Variants in NEK2 observed in about 807,000 individuals in gnomAD.
The protein encoded by NEK2 is serine/threonine-protein kinase Nek2.
Under a neutral mutation model 54.1 loss-of-function variants are expected in NEK2, and 28 were observed. The observed-to-expected ratio is 0.52, with a 90% CI of 0.38 to 0.71. NEK2 has a LOEUF of 0.71. NEK2 is among the 30% of genes least tolerant of loss of function. NEK2 has a pLI of 0.00. For synonymous variants in NEK2, 176 were observed against 193.1 expected, an observed-to-expected ratio of 0.91 and a Z score of 0.73; for missense variants, 407 against 531.5, an observed-to-expected ratio of 0.77 and a Z score of 2.30.
intron 3 of NEK2, 61 bp downstream of exon 3, chr1:211,673,422 A>T (rs540969338): frequency 6.2e-7 from 1 of 1,600,914 alleles, no homozygotes; most frequent in East Asian, 2.2e-5. Flanking sequence ...TCAAAAACAA[A>T]CAAACAAGAA....
chr1:211,667,206 AC>A lies in NEK2; in HGVS notation c.1010del (p.Arg337LeufsTer4), dbSNP rs1399580497. ...LEQKEQELCVRERLAEDKLAR... is the reference protein window; with the variant it reads ...LEQKEQELCVXERLAEDKLAR... ...CCAGTTTGTCCTCTGCTAGTCTCTCACGAACACAAAGCTCCTGTTCTTTCTC... is the reference window on the plus strand; with the variant it reads ...CCAGTTTGTCCTCTGCTAGTCTCTCAGAACACAAAGCTCCTGTTCTTTCTC... On this transcript the variant is annotated frameshift_variant, in exon 7 of 8. Coordinates refer to ENST00000366999, the MANE Select transcript of NEK2 (RefSeq NM_002497.4). LOFTEE classifies it high-confidence loss of function. 2.5e-6 allele frequency: 4 copies of A among 1,608,266 alleles called. No homozygotes were observed. In the Admixed American group the frequency reaches 6.8e-5, roughly 27 times the overall value.
chr1:211,671,292 G>T lies in NEK2; in HGVS notation c.556-8C>A. On this transcript the variant is annotated splice_polypyrimidine_tract_variant and splice_region_variant and intron_variant, in intron 3 of 7. Transcript: ENST00000366999. ...CATGCGATTCATTTGTTCCTATACA[G>T]GGAAAAAGGGTAAGAAAGTGGAAGG... The T allele has an allele frequency of 1.2e-6, 2 of 1,600,644 alleles. No homozygotes were observed. The highest frequency in any genetic ancestry group is 2.2e-5 in the South Asian group (2 of 90,600).
intron 7 of NEK2, among the ~76,000 whole-genome samples, chr1:211,665,047 T>A (rs1655134628): frequency 6.6e-6 from 1 of 152,358 alleles, no homozygotes; most frequent in Non-Finnish European, 1.5e-5. Flanking sequence ...AAAACATTTT[T>A]AAAATTCTTC....
Position 211,675,554 on chromosome 1 carries a change from C to T in NEK2, c.-75G>A. 3.2e-6 allele frequency: 4 copies of T among 1,248,148 alleles called. No individual in the cohort carries two copies. The highest frequency in any genetic ancestry group is 3.5e-6 in the Non-Finnish European group (3 of 854,434). 77.3% of individuals were successfully genotyped at this position (1,248,148 alleles called of 1,614,324 possible). ...AGTGCGGAGCTCCAGGGACCAGGAA[C>T]TCCAGGGACCTGGATGGAGAAGCCC... is the stretch of plus-strand genomic sequence containing the variant. On this transcript the variant is annotated 5_prime_UTR_variant, in exon 1 of 8. Transcript: ENST00000366999.
chr1:211,674,639 T>C, intron 1 of NEK2, 126 bp from the exon 2 acceptor site: 1 of 705,128 alleles, frequency 1.4e-6, no homozygotes, highest in Non-Finnish European at 2.3e-6. Flanking sequence ...TTATCTAATT[T>C]AGTTCAATGA....
intron 7 of NEK2, 161 bp downstream of exon 7, chr1:211,666,945 C>T: frequency 6.9e-7 from 1 of 1,439,038 alleles, no homozygotes; most frequent in Non-Finnish European, 9.1e-7. Flanking sequence ...ATTGCTATAA[C>T]AGAATTTTGT....
In NEK2 at chr1:211,663,324, T is replaced by C. The variant is rs1433588887; in HGVS notation, c.*102A>G. 6.7e-7 allele frequency: 1 copy of C among 1,499,772 alleles called. No homozygotes were observed. The allele number at this position is 1,499,772 out of a possible 1,614,324, so 92.9% of individuals were successfully genotyped here. ...ATCATGTGTACTATACAGAAAGGCA[T>C]GGCTCATGGAACCAAGTATTCAACA... On this transcript the variant is annotated 3_prime_UTR_variant, in exon 8 of 8. Coordinates refer to ENST00000366999, the MANE Select transcript of NEK2 (RefSeq NM_002497.4).
chr1:211,670,412 G>T lies in NEK2; in HGVS notation c.639-5C>A. On this transcript the variant is annotated splice_polypyrimidine_tract_variant and splice_region_variant and intron_variant, in intron 4 of 7. Coordinates refer to ENST00000366999, the MANE Select transcript of NEK2 (RefSeq NM_002497.4). ...CTAAAAGCTGTAAATGGAGGCCTAG[G>T]GTTAAAAAAGAAGAAGAAGACGACG... 1 of 1,597,022 alleles carries T rather than the reference G, an allele frequency of 6.3e-7. No individual in the cohort carries two copies. The highest frequency in any genetic ancestry group is 8.5e-7 in the Non-Finnish European group (1 of 1,175,018).
chr1:211,658,657 C>T (rs533273372), downstream of NEK2: 177 of 413,578 alleles, frequency 4.3e-4, 2 homozygotes, highest in South Asian at 2.1e-3. Context: ...GAGGCCAAGG[C>T]TACATTGAGC....
At chr1:211,667,698 T>C (rs1371060464) in intron 6 of NEK2, among the ~76,000 whole-genome samples, 2 of 152,190 alleles carry the variant, frequency 1.3e-5, no homozygotes, top group Admixed American at 1.3e-4. Context: ...TAATAACAAA[T>C]GTTACTATTT....
chr1:211,663,674 G>A (rs746724799), intron 7 of NEK2, 22 bp from the exon 8 acceptor site: 4 of 1,607,974 alleles, frequency 2.5e-6, no homozygotes, highest in Middle Eastern at 1.7e-4. Context: ...AAAAGAAAAA[G>A]GGCTCTGAGT....
chr1:211,675,511 A>G lies in NEK2; in HGVS notation c.-32T>C. The G allele has an allele frequency of 6.3e-7, 1 of 1,589,662 alleles. No individual in the cohort carries two copies. The highest frequency in any genetic ancestry group is 8.6e-7 in the Non-Finnish European group (1 of 1,159,902). ...CCAGTCGCCAGAGTCGCGCTGCCTC[A>G]CGCAGGTTGCGCCGCCAAGTGCGGA... On this transcript the variant is annotated 5_prime_UTR_variant, in exon 1 of 8. Transcript: ENST00000366999.
At chr1:211,666,602 C>T in intron 7 of NEK2, 1 of 412,650 alleles carries the variant, frequency 2.4e-6, no homozygotes, top group Non-Finnish European at 3.3e-6. Flanking sequence ...AAATCGAGAC[C>T]ATCCTGGCTA....
chr1:211,675,385 T>C lies in NEK2; in HGVS notation c.95A>G (p.Lys32Arg). 6.2e-7 allele frequency: 1 copy of C among 1,613,526 alleles called. No homozygotes were observed. The highest frequency in any genetic ancestry group is 1.7e-5 in the Admixed American group (1 of 60,014). ...GCGCAGGGTAGGTCCCACGCTCACC[T>C]TGCCATCACTCTTCCTCCGGATCTT... ...CQKIRRKSDG[K>R]ILVWKELDYG... Residue 32 changes from lysine (K) to arginine (R), a missense_variant and splice_region_variant, in exon 1 of 8, where the codon AAG (lysine) becomes AGG (arginine). By Grantham distance (26) the Lys-to-Arg change is conservative. Coordinates refer to ENST00000366999, the MANE Select transcript of NEK2 (RefSeq NM_002497.4).
At chr1:211,674,199 A>G (rs1655498879) in intron 2 of NEK2, 97 bp downstream of exon 2, 2 of 1,003,982 alleles carry the variant, frequency 2.0e-6, no homozygotes, top group East Asian at 5.0e-5. Flanking sequence ...AAACAAATAC[A>G]AATACACTCT....
intron 5 of NEK2, chr1:211,669,574 T>A (rs1302735164): frequency 2.0e-6 from 1 of 488,480 alleles, no homozygotes; most frequent in Non-Finnish European, 3.7e-6. Context: ...TTCACCTTTC[T>A]AAGAAGGTTC....
At chr1:211,664,679 C>T (rs909972427) in intron 7 of NEK2, among the ~76,000 whole-genome samples, 1 of 152,218 alleles carries the variant, frequency 6.6e-6, no homozygotes, top group Non-Finnish European at 1.5e-5. Context: ...CCTGTGACTT[C>T]CCGCTTCATA....
At chr1:211,669,404 T>A in intron 5 of NEK2, 72 bp from the exon 6 acceptor site, 1 of 1,355,496 alleles carries the variant, frequency 7.4e-7, no homozygotes, top group Admixed American at 1.9e-5. Context: ...GCAGTTAAAA[T>A]AAAAGGACAA....
intron 7 of NEK2, among the ~76,000 whole-genome samples, chr1:211,665,405 A>G (rs909291428): frequency 6.6e-6 from 1 of 152,226 alleles, no homozygotes; most frequent in Non-Finnish European, 1.5e-5. Flanking sequence ...TGTGTATCCT[A>G]TAAAGTAAAA....
Sources: gnomAD v4.1 joint callset for allele counts (sites outside exome capture counted in the v4.1 genomes callset) on GRCh38, gnomAD v4.1.1 for gene constraint, MANE v1.5 for transcripts, NCBI Gene and HGNC (gene_info 2026-07-23, HGNC 2026-07-21) for gene names.